Variants in PHF13 observed in about 807,000 individuals in gnomAD.
PHF13 encodes the protein PHD finger protein 13, also known as PHD zinc finger protein PHF5.
In PHF13, 1 loss-of-function variant was observed where a neutral mutation model predicts 25.8. That is an observed-to-expected ratio of 0.04 (90% CI 0.01 to 0.18). PHF13 has a LOEUF of 0.18. Among genes scored for constraint, PHF13 ranks in the 10% least tolerant of loss-of-function variants. The probability of loss-of-function intolerance (pLI) is 1.00; values close to 1 mark genes in which losing one functional copy is unlikely to be tolerated. For synonymous variants in PHF13, 195 were observed against 162.4 expected, an observed-to-expected ratio of 1.20 and a Z score of -1.53; for missense variants, 306 against 403.2, an observed-to-expected ratio of 0.76 and a Z score of 2.06.
rs750180197 is a variant in PHF13, at chr1:6,620,264, C to G, written c.603C>G (p.Val201=). Residue 201 remains valine (V), a synonymous_variant, in exon 3 of 4, where the codon GTC becomes GTG. Coordinates refer to ENST00000377648, the MANE Select transcript of PHF13 (RefSeq NM_153812.3). ...AAACTGAAGGCAAACGGACTATCGT[C>G]CGGCAGGGAAAGCAGGTGGTGTTCC... is the stretch of plus-strand genomic sequence containing the variant. ...EIKTEGKRTI[V]RQGKQVVFRD... 1.9e-6 allele frequency: 3 copies of G among 1,613,944 alleles called. No individual in the cohort carries two copies. In the South Asian group the frequency reaches 3.3e-5, roughly 18 times the overall value.
At position 6,621,403 on chromosome 1, in the gene PHF13, C is replaced by G. The variant is rs374101503; in HGVS notation, c.677-8C>G. 1.9e-5 allele frequency: 31 copies of G among 1,613,734 alleles called. No individual in the cohort carries two copies. The African/African-American group carries it at 3.7e-4, about 19-fold the overall frequency. ...CTCTTCCCTCCTTGAGAGTATCTTTCCTTCCAGATGACGATTCCTGGGACC... is the reference window on the plus strand; with the variant it reads ...CTCTTCCCTCCTTGAGAGTATCTTTGCTTCCAGATGACGATTCCTGGGACC... On this transcript the variant is annotated splice_polypyrimidine_tract_variant and splice_region_variant and intron_variant, in intron 3 of 3. Transcript: ENST00000377648. This position sits in a 1 kb window ranked among gnomAD's most constrained non-coding sequence, Gnocchi z 4.8.
In PHF13 at chr1:6,614,024, A is replaced by G; in HGVS notation, c.-43A>G. On this transcript the variant is annotated 5_prime_UTR_variant, in exon 1 of 4. Transcript: ENST00000377648. ...CCGGGCGGCCCCGCTCCAGCATCCCAGCTCCTGCACTCTCGCAGCCGCCGC... is the reference window on the plus strand; with the variant it reads ...CCGGGCGGCCCCGCTCCAGCATCCCGGCTCCTGCACTCTCGCAGCCGCCGC... 1 of 1,401,654 alleles carries G rather than the reference A, an allele frequency of 7.1e-7. No homozygotes were observed. The highest frequency in any genetic ancestry group is 9.5e-7 in the Non-Finnish European group (1 of 1,052,400). The allele number at this position is 1,401,654 out of a possible 1,614,324, so 86.8% of individuals were successfully genotyped here.
At chr1:6,619,210 G>A (rs1044164242) in intron 2 of PHF13, among the ~76,000 whole-genome samples, 2 of 152,206 alleles carry the variant, frequency 1.3e-5, no homozygotes, top group African/African-American at 4.8e-5. Context: ...GAGCAGATAG[G>A]AGTGGGTGTC....
chr1:6,613,778 C>T lies in PHF13; in HGVS notation c.-289C>T. 9.3e-6 allele frequency: 2 copies of T among 215,910 alleles called. No individual in the cohort carries two copies. The highest frequency in any genetic ancestry group is 4.5e-5 in the South Asian group (1 of 22,436). 13.4% of individuals were successfully genotyped at this position (215,910 alleles called of 1,614,324 possible). ...CCGAACTGGGCGTCAGGTCGGGGAG[C>T]CGGTCGGGTTCCCGCTCACCGCCGC... On this transcript the variant is annotated 5_prime_UTR_variant, in exon 1 of 4. Transcript: ENST00000377648.
At chr1:6,614,349 G>T in intron 1 of PHF13, 1 of 496,190 alleles carries the variant, frequency 2.0e-6, no homozygotes, top group East Asian at 3.8e-5. Context: ...CTTTCCCCAG[G>T]GCCGTTGCGC....
intron 2 of PHF13, among the ~76,000 whole-genome samples, chr1:6,618,866 C>CGAACTCCTGAGCTCAGGT (rs1557446097): frequency 1.3e-5 from 2 of 151,814 alleles, no homozygotes; most frequent in African/African-American, 4.8e-5. Context: ...AGGCTGGTGT[C>CGAACTCCTGAGCTCAGGT]GAACTCCTGA....
rs1168432307 is a variant in PHF13 at position 6,621,868 on chromosome 1, GGTGGACTGGACACCCAC to G, written c.*235_*251del. 1.7e-6 allele frequency: 1 copy of G among 581,316 alleles called. No individual in the cohort carries two copies. The highest frequency in any genetic ancestry group is 3.1e-6 in the Non-Finnish European group (1 of 326,112). The allele number at this position is 581,316 out of a possible 1,614,324, so 36.0% of individuals were successfully genotyped here. On this transcript the variant is annotated 3_prime_UTR_variant, in exon 4 of 4. Transcript: ENST00000377648. This position sits in a 1 kb window ranked among gnomAD's most constrained non-coding sequence, Gnocchi z 4.8. ...CCAGAGCTGCGTTCCCTGCAGTGGA[GGTGGACTGGACACCCAC>G]GTGCAGCGGGTTTGGCTCATTTGAA...
chr1:6,620,008 T>TGAA lies in PHF13; in HGVS notation c.362_364dup (p.Lys121dup), dbSNP rs761286943. On this transcript the variant is annotated inframe_insertion, in exon 3 of 4. Transcript: ENST00000377648. The stretch of plus-strand genomic sequence containing the variant: ...CTGGACAGAAAGAAAACGGACAAGC[T>TGAA]GAAGAAGAAGAAGAAGAGGAAGCGC... 30 of 1,612,884 alleles carry TGAA rather than the reference T, an allele frequency of 1.9e-5. No homozygotes were observed. The highest frequency in any genetic ancestry group is 1.4e-4 in the South Asian group (13 of 91,042).
Position 6,621,986 on chromosome 1 carries a change from GTTA to G in PHF13, c.*352_*354del, listed in dbSNP as rs1381463755. 4 of 373,512 alleles carry G rather than the reference GTTA, an allele frequency of 1.1e-5. No individual in the cohort carries two copies. Among genetic ancestry groups the G allele is most frequent in the African/African-American group, 4.1e-5 (2 of 48,200 alleles). 23.1% of individuals were successfully genotyped at this position (373,512 alleles called of 1,614,324 possible). ...CCGCTGATTGGGCTCAGTGCCAGCT[GTTA>G]TTCTGCTTCCACTGTGTTGGGGAGA... On this transcript the variant is annotated 3_prime_UTR_variant, in exon 4 of 4. Coordinates refer to ENST00000377648, the MANE Select transcript of PHF13 (RefSeq NM_153812.3). The surrounding 1 kb of genome is among the most constrained non-coding windows in gnomAD (Gnocchi z 4.8).
chr1:6,614,106 G>A lies in PHF13; in HGVS notation c.39+1G>A. 1 of 1,599,498 alleles carries A rather than the reference G, an allele frequency of 6.3e-7. No homozygotes were observed. The highest frequency in any genetic ancestry group is 2.3e-5 in the East Asian group (1 of 42,898). On this transcript the variant is annotated splice_donor_variant, in intron 1 of 3. Transcript: ENST00000377648. LOFTEE classifies it high-confidence loss of function. ...TTGCGCCGCCGCCTTCCACCCGGAGGTGAGTGAAGCTGTGCGTCCGAATCG... is the reference window on the plus strand; with the variant it reads ...TTGCGCCGCCGCCTTCCACCCGGAGATGAGTGAAGCTGTGCGTCCGAATCG...
At chr1:6,614,876 C>CG (rs1641235011) in intron 1 of PHF13, among the ~76,000 whole-genome samples, 1 of 150,990 alleles carries the variant, frequency 6.6e-6, no homozygotes, top group African/African-American at 2.4e-5. Flanking sequence ...TCGTTGGGGT[C>CG]GGGGGTGCGG....
chr1:6,614,598 CCCGCCCCCTGACTCCGCGCGGGGCCCAG>C (rs1300023659), intron 1 of PHF13: 3 of 152,638 alleles, frequency 2.0e-5, no homozygotes, highest in Non-Finnish European at 2.9e-5. Context: ...TGGCCCGCGC[CCCGCCCCCTGACTCCGCGCGGGGCCCAG>C]TCGGCCCCCG....
intron 2 of PHF13, among the ~76,000 whole-genome samples, chr1:6,618,329 C>T (rs1398515261): frequency 8.5e-5 from 13 of 152,278 alleles, no homozygotes; most frequent in Admixed American, 3.3e-4. Flanking sequence ...TACAAGGTTT[C>T]GCCATGTTGC....
At position 6,613,902 on chromosome 1, in the gene PHF13, G is replaced by C; in HGVS notation, c.-165G>C. 3 of 537,656 alleles carry C rather than the reference G, an allele frequency of 5.6e-6. No homozygotes were observed. The highest frequency in any genetic ancestry group is 9.7e-6 in the Non-Finnish European group (3 of 309,360). The allele number at this position is 537,656 out of a possible 1,614,324, so 33.3% of individuals were successfully genotyped here. On this transcript the variant is annotated 5_prime_UTR_variant, in exon 1 of 4. Coordinates refer to ENST00000377648, the MANE Select transcript of PHF13 (RefSeq NM_153812.3). Reference sequence around the variant, plus strand: ...GGAACCGCCAGTCCGGGGTCACAGAGCTTGAGAAGCGACGCGCTGAGCCCC... The same window carrying C: ...GGAACCGCCAGTCCGGGGTCACAGACCTTGAGAAGCGACGCGCTGAGCCCC...
Position 6,620,048 on chromosome 1 carries a change from G to A in PHF13, c.387G>A (p.Ala129=), listed in dbSNP as rs775548453. ...KKKRKRRDSD[A]PGKEGYRGGL... is the part of the protein sequence containing the mutation. The stretch of plus-strand genomic sequence containing the variant: ...AGAGGAAGCGCAGGGACAGTGATGC[G>A]CCTGGGAAAGAGGGGTACAGGGGGG... The change falls in exon 3 of 4, where the codon GCG becomes GCA. Residue 129 remains alanine (A), a synonymous_variant. Transcript: ENST00000377648. 10 of 1,613,490 alleles carry A rather than the reference G, an allele frequency of 6.2e-6. No homozygotes were observed. Among genetic ancestry groups the A allele is most frequent in the South Asian group, 4.4e-5 (4 of 91,088 alleles).
In PHF13 at chr1:6,620,187, C is replaced by T. The variant is rs777379500; in HGVS notation, c.526C>T (p.Pro176Ser). ...CTGCTCGGGCTGGGACTCCGATACT[C>T]CCTCGAGTGGATCTTGTGCCACTGT... ...DPCSGWDSDTPSSGSCATVSP... is the reference protein window; with the variant it reads ...DPCSGWDSDTSSSGSCATVSP... Residue 176 changes from proline (P) to serine (S), a missense_variant, in exon 3 of 4, where the codon CCC (proline) becomes TCC (serine). By Grantham distance (74) the Pro-to-Ser change is moderately conservative. This residue lies in a region of PHF13 where 186 missense variants were observed against 164.0 expected (regional missense o/e 1.13). Transcript: ENST00000377648. 1 of 1,613,988 alleles carries T rather than the reference C, an allele frequency of 6.2e-7. No homozygotes were observed. The highest frequency in any genetic ancestry group is 8.5e-7 in the Non-Finnish European group (1 of 1,180,026).
At chr1:6,615,364 G>T (rs950359128) in intron 1 of PHF13, among the ~76,000 whole-genome samples, 4 of 152,228 alleles carry the variant, frequency 2.6e-5, no homozygotes, top group Non-Finnish European at 5.9e-5. Flanking sequence ...CGGGGAGCGC[G>T]GTCAACGCGG....
At chr1:6,615,104 C>T (rs956201438) in intron 1 of PHF13, among the ~76,000 whole-genome samples, 5 of 150,954 alleles carry the variant, frequency 3.3e-5, no homozygotes, top group African/African-American at 9.7e-5. Flanking sequence ...GGGGCCGCTC[C>T]GCCATCTGCT....
intron 2 of PHF13, among the ~76,000 whole-genome samples, chr1:6,618,475 G>A (rs909283363): frequency 6.6e-6 from 1 of 152,146 alleles, no homozygotes; most frequent in African/African-American, 2.4e-5. Context: ...CTGTGTTGCT[G>A]AGGCTGGTCT....
Sources: gnomAD v4.1 joint callset for allele counts (sites outside exome capture counted in the v4.1 genomes callset) on GRCh38, gnomAD v4.1.1 for gene constraint, gnomAD v4.1.1 regional missense constraint, Gnocchi (gnomAD v3.1) non-coding constraint, MANE v1.5 for transcripts, NCBI Gene and HGNC (gene_info 2026-07-23, HGNC 2026-07-21) for gene names.